PLAUR: variants seen among roughly 807,000 people sequenced by gnomAD.
PLAUR encodes plasminogen activator, urokinase receptor.
A neutral mutation model predicts 33.4 loss-of-function variants in PLAUR; 22 were observed. The observed-to-expected ratio is 0.66, with a 90% CI of 0.47 to 0.94. The LOEUF (loss-of-function observed/expected upper bound fraction) is 0.94, where lower values mean the gene tolerates loss of function less well. Ranked by LOEUF, PLAUR falls within the 40% of genes least tolerant of loss-of-function variation. The pLI is 0.00. For missense variants in PLAUR, 408 were observed against 434.7 expected (o/e 0.94, Z 0.55); for synonymous variants, 148 against 167.3 (o/e 0.88, Z 0.89).
At chr19:43,667,471 T>G in intron 2 of PLAUR, 110 bp downstream of exon 2, 1 of 741,544 alleles carries the variant, frequency 1.3e-6, no homozygotes, top group Non-Finnish European at 2.4e-6. Flanking sequence ...TGGGCTCTCC[T>G]TGTTTGTTTG....
At chr19:43,651,160 C>G (rs1028122444) in intron 6 of PLAUR, among the ~76,000 whole-genome samples, 6 of 151,948 alleles carry the variant, frequency 3.9e-5, no homozygotes, top group Non-Finnish European at 8.8e-5. Flanking sequence ...CTCACCGCAA[C>G]CTCTGCCTCC....
At chr19:43,661,400 CTTTTTTT>C (rs55690043) in intron 3 of PLAUR, 85,998 of 149,710 alleles carry the variant, frequency 0.57, 24,609 homozygotes, top group Non-Finnish European at 0.59. Flanking sequence ...TTTCTTTTTT[CTTTTTTT>C]TTTTTTTGAA....
chr19:43,667,444 A>G (rs1043762663), intron 2 of PLAUR, 137 bp downstream of exon 2: 8 of 648,044 alleles, frequency 1.2e-5, no homozygotes, highest in South Asian at 1.1e-4. Flanking sequence ...ATGCTTGCCA[A>G]TCTGGTGGGT....
chr19:43,657,348 G>A (rs974927190), intron 3 of PLAUR, among the ~76,000 whole-genome samples: 7 of 152,054 alleles, frequency 4.6e-5, no homozygotes, highest in African/African-American at 1.7e-4. Flanking sequence ...AAGATCCTCA[G>A]CATGGGATTC....
At position 43,655,586 on chromosome 19, in the gene PLAUR, G is replaced by A. The variant is rs564170458; in HGVS notation, c.473-13C>T. On this transcript the variant is annotated splice_polypyrimidine_tract_variant and intron_variant, in intron 4 of 6. Transcript: ENST00000340093. ...TCCTTTGGACGCCCTATGGGGGCCAGGGGACAGAGGTCAGATGTCAGATTG... is the reference window on the plus strand; with the variant it reads ...TCCTTTGGACGCCCTATGGGGGCCAAGGGACAGAGGTCAGATGTCAGATTG... 1.6e-4 allele frequency: 250 copies of A among 1,610,626 alleles called. 2 individuals carry two copies. In the South Asian group the frequency reaches 2.6e-3, roughly 17 times the overall value.
In PLAUR at chr19:43,652,920, G is replaced by A. The variant is rs4251907; in HGVS notation, c.608-549C>T. ...CCTGCCTCAGCCTCCCAATGTTCTC[G>A]GAGTACAGGTGTGAGCCACTGTACC... On this transcript the variant is annotated intron_variant, in intron 5 of 6. Coordinates refer to ENST00000340093, the MANE Select transcript of PLAUR (RefSeq NM_002659.4). Among the ~76,000 whole-genome samples the A allele has an allele frequency of 8.3e-3, 1,270 of 152,136 alleles. 23 individuals carry two copies. The highest frequency in any genetic ancestry group is 0.027 in the African/African-American group (1,129 of 41,488).
At chr19:43,656,693 C>T in intron 3 of PLAUR, 53 bp from the exon 4 acceptor site, 1 of 1,447,170 alleles carries the variant, frequency 6.9e-7, no homozygotes, top group Non-Finnish European at 9.4e-7. Flanking sequence ...GTCCTGGAGC[C>T]CCAGCTCTGC....
downstream of PLAUR, among the ~76,000 whole-genome samples, chr19:43,647,938 C>CATTTTTTTTTT (rs1555778381): frequency 7.5e-6 from 1 of 133,224 alleles, no homozygotes. Flanking sequence ...TTAGAGAGCC[C>CATTTTTTTTTT]TTTTTTTTTT....
chr19:43,656,906 C>T, intron 3 of PLAUR: 2 of 313,608 alleles, frequency 6.4e-6, no homozygotes, highest in Non-Finnish European at 5.9e-6. Context: ...CACCCCAGTG[C>T]AGCATCTCCA....
rs575479957 is a variant in PLAUR at position 43,654,969 on chromosome 19, G to A, written c.607+470C>T. On this transcript the variant is annotated intron_variant, in intron 5 of 6. Coordinates refer to ENST00000340093, the MANE Select transcript of PLAUR (RefSeq NM_002659.4). ...GCTGATAGTATCATTGAATCCTTAC[G>A]AAGTTCTTCTTTGAAGAAAGGCCTG... 1.4e-4 allele frequency among the ~76,000 whole-genome samples: 21 copies of A among 152,134 alleles called. No individual in the cohort carries two copies. In the South Asian group the frequency reaches 3.7e-3, roughly 27 times the overall value.
intron 6 of PLAUR, chr19:43,651,857 A>G: frequency 9.7e-7 from 1 of 1,030,972 alleles, no homozygotes; most frequent in Non-Finnish European, 1.2e-6. Context: ...AAATCCCCAC[A>G]ACCCACGAGA....
chr19:43,665,049 C>A (rs1412479846), intron 3 of PLAUR: 4 of 488,520 alleles, frequency 8.2e-6, no homozygotes, highest in Non-Finnish European at 1.5e-5. Context: ...GTGCTTGGAA[C>A]AGGGCTGGGT....
chr19:43,647,938 C>CTT (rs564922094), downstream of PLAUR, among the ~76,000 whole-genome samples: 4,894 of 133,146 alleles, frequency 0.037, 282 homozygotes, highest in African/African-American at 0.12. Context: ...TTAGAGAGCC[C>CTT]TTTTTTTTTT....
chr19:43,650,593 T>A (rs1973956514), intron 6 of PLAUR, among the ~76,000 whole-genome samples: 2 of 152,198 alleles, frequency 1.3e-5, no homozygotes, highest in South Asian at 4.1e-4. Context: ...CCCAAAGTAT[T>A]GGGATTATAG....
At chr19:43,659,300 T>C (rs1393577127) in intron 3 of PLAUR, among the ~76,000 whole-genome samples, 3 of 151,316 alleles carry the variant, frequency 2.0e-5, no homozygotes, top group Non-Finnish European at 1.5e-5. Flanking sequence ...ACTACAGGCA[T>C]GTGCCAGTTC....
intron 1 of PLAUR, chr19:43,668,117 T>C (rs2146292917): frequency 9.9e-7 from 1 of 1,008,028 alleles, no homozygotes; most frequent in South Asian, 3.8e-5. Context: ...CCCGCGTCGA[T>C]CTTTATGTTA....
chr19:43,647,480 T>C (rs1261604187), downstream of PLAUR, among the ~76,000 whole-genome samples: 1 of 152,128 alleles, frequency 6.6e-6, no homozygotes, highest in Admixed American at 6.6e-5. Flanking sequence ...TAGTGTTCAG[T>C]GTGTGATCTG....
intron 4 of PLAUR, 46 bp from the exon 5 acceptor site, chr19:43,655,619 G>T: frequency 6.3e-7 from 1 of 1,580,372 alleles, no homozygotes; most frequent in Admixed American, 1.8e-5. Flanking sequence ...TTGTGAATGA[G>T]GGACTAAGAT....
Position 43,649,068 on chromosome 19 carries a change from G to T in PLAUR, c.830C>A (p.Ala277Asp). 1.9e-6 allele frequency: 3 copies of T among 1,614,210 alleles called. No individual in the cohort carries two copies. The highest frequency in any genetic ancestry group is 2.2e-5 in the East Asian group (1 of 44,882). The change falls in exon 7 of 7, where the codon GCC becomes GAC. Residue 277 changes from alanine (A) to aspartate (D), a missense_variant. Transcript: ENST00000340093. ...GACATCAATGTGGTTCATGCTGAAG[G>T]CGTCACCCAGGTGGGCATGTTGGCA... is the stretch of plus-strand genomic sequence containing the variant. ...SMCQHAHLGD[A>D]FSMNHIDVSC...
Sources: allele counts gnomAD v4.1 joint callset (sites outside exome capture counted in the v4.1 genomes callset), GRCh38; gene constraint gnomAD v4.1.1; transcripts MANE v1.5; gene names NCBI Gene and HGNC (gene_info 2026-07-23, HGNC 2026-07-21).